The following CCDC50 variants were observed in gnomAD, a reference collection of about 807,000 sequenced individuals.
CCDC50 encodes the protein coiled-coil domain-containing protein 50.
Under a neutral mutation model 70.2 loss-of-function variants are expected in CCDC50, and 54 were observed. The observed-to-expected ratio is 0.77, with a 90% CI of 0.62 to 0.96. The LOEUF (loss-of-function observed/expected upper bound fraction) is 0.96. Among genes scored for constraint, CCDC50 ranks in the 50% least tolerant of loss-of-function variants. The pLI is 0.00. For missense variants in CCDC50, 558 were observed against 578.7 expected (o/e 0.96, Z 0.37); for synonymous variants, 216 against 198.8 (o/e 1.09, Z -0.73).
intron 1 of CCDC50, among the ~76,000 whole-genome samples, chr3:191,347,205 GT>G (rs1208210701): frequency 7.0e-6 from 1 of 142,114 alleles, no homozygotes; most frequent in Non-Finnish European, 1.6e-5. Context: ...ATTTCTGAAG[GT>G]TTTTCTCCTT....
chr3:191,383,616 G>A (rs1713396336), intron 10 of CCDC50, among the ~76,000 whole-genome samples: 1 of 152,134 alleles, frequency 6.6e-6, no homozygotes, highest in South Asian at 2.1e-4. Context: ...AATTGACACT[G>A]TTGTTGCTAC....
chr3:191,341,143 A>G (rs1711715962), intron 1 of CCDC50, among the ~76,000 whole-genome samples: 2 of 152,168 alleles, frequency 1.3e-5, no homozygotes, highest in African/African-American at 4.8e-5. Flanking sequence ...TGCAGCACAG[A>G]TTCTGTACTA....
intron 4 of CCDC50, among the ~76,000 whole-genome samples, chr3:191,368,596 G>C (rs1224394676): frequency 6.7e-6 from 1 of 149,664 alleles, no homozygotes; most frequent in East Asian, 2.0e-4. Flanking sequence ...ATTTTCTTTT[G>C]AAATTTATAT....
rs542086705 is a variant in CCDC50, at chr3:191,343,110, A to G, written c.49+13387A>G. Among the ~76,000 whole-genome samples, 485 of 152,294 alleles carry G rather than the reference A, an allele frequency of 3.2e-3. 3 individuals carry two copies. The highest frequency in any genetic ancestry group is 5.4e-3 in the Non-Finnish European group (364 of 68,014). On this transcript the variant is annotated intron_variant, in intron 1 of 11. Coordinates refer to ENST00000392455, the MANE Select transcript of CCDC50 (RefSeq NM_178335.3). ...CTGTGTATACTGAGGGACTTTTCAT[A>G]TACCTGAGTTCCGCAGGGCCAACTG...
At position 191,393,592 on chromosome 3, in the gene CCDC50, A is replaced by G. The variant is rs892639786; in HGVS notation, c.*1832A>G. On this transcript the variant is annotated 3_prime_UTR_variant, in exon 12 of 12. Coordinates refer to ENST00000392455, the MANE Select transcript of CCDC50 (RefSeq NM_178335.3). ...TTTTGGGCAAATGTTAATCAGAAAGATAATCTACATCCCTACTTTATGTAG... is the reference window on the plus strand; with the variant it reads ...TTTTGGGCAAATGTTAATCAGAAAGGTAATCTACATCCCTACTTTATGTAG... The G allele has an allele frequency of 6.6e-6, 1 of 152,236 alleles. No individual in the cohort carries two copies. The highest frequency in any genetic ancestry group is 1.5e-5 in the Non-Finnish European group (1 of 68,024). 9.4% of individuals were successfully genotyped at this position (152,236 alleles called of 1,614,324 possible).
At chr3:191,352,824 AGTTT>A (rs746606952) in intron 1 of CCDC50, among the ~76,000 whole-genome samples, 6 of 142,152 alleles carry the variant, frequency 4.2e-5, no homozygotes, top group African/African-American at 1.3e-4. Flanking sequence ...AGTTTTATGT[AGTTT>A]GTTTATTACT....
rs372340168 is a variant in CCDC50, at chr3:191,361,134, G to A, written c.305G>A (p.Arg102Gln). 5 of 1,613,336 alleles carry A rather than the reference G, an allele frequency of 3.1e-6. No homozygotes were observed. In the African/African-American group the frequency reaches 4.0e-5, roughly 13 times the overall value. ...QEKLAIEAER[R>Q]RIQEKKDEDI... ...AAGCTGGCTATTGAGGCAGAGAGAC[G>A]ACGCATTCAGGAGAAGAAGGATGAG... Residue 102 changes from arginine (R) to glutamine (Q), a missense_variant, in exon 4 of 12, where the codon CGA (arginine) becomes CAA (glutamine). By Grantham distance (43) the Arg-to-Gln change is conservative (BLOSUM62 1). Transcript: ENST00000392455.
At position 191,331,624 on chromosome 3, in the gene CCDC50, T is replaced by A. The variant is rs537741050; in HGVS notation, c.49+1901T>A. Among the ~76,000 whole-genome samples, 204 of 152,332 alleles carry A rather than the reference T, an allele frequency of 1.3e-3. 1 individual carries two copies. The highest frequency in any genetic ancestry group is 4.7e-3 in the African/African-American group (196 of 41,582). On this transcript the variant is annotated intron_variant, in intron 1 of 11. Coordinates refer to ENST00000392455, the MANE Select transcript of CCDC50 (RefSeq NM_178335.3). ...GGAATCGATGAGATCACTGTCTTTG[T>A]AAACATCTGACTTTTCTAGTTCCAA...
rs536917876 is a variant in CCDC50, at chr3:191,380,924, G to A, written c.1234G>A (p.Glu412Lys). 8 of 1,611,508 alleles carry A rather than the reference G, an allele frequency of 5.0e-6. No homozygotes were observed. The highest frequency in any genetic ancestry group is 3.3e-5 in the Admixed American group (2 of 59,790). ...SSLDKRKQDP[E>K]WKPKTAKAAN... ...TTTGGACAAAAGAAAGCAAGACCCC[G>A]AGTGGAAGGTAGAGTGTGTTTTGTT... Residue 412 changes from glutamate (E) to lysine (K), a missense_variant, in exon 9 of 12, where the codon GAG becomes AAG. By Grantham distance (56) the Glu-to-Lys change is moderately conservative (BLOSUM62 1). Transcript: ENST00000392455.
chr3:191,364,696 T>A (rs1177763612), intron 4 of CCDC50, among the ~76,000 whole-genome samples: 1 of 152,128 alleles, frequency 6.6e-6, no homozygotes, highest in African/African-American at 2.4e-5. Context: ...TGGTATAATT[T>A]TATTATGTTT....
In CCDC50 at chr3:191,349,353, T is replaced by G. The variant is rs114905287; in HGVS notation, c.50-7735T>G. On this transcript the variant is annotated intron_variant, in intron 1 of 11. Coordinates refer to ENST00000392455, the MANE Select transcript of CCDC50 (RefSeq NM_178335.3). ...AAAGTTTTACAAAATACGTTTATTA[T>G]TTCAAAGTGTCATTAATATATCTTA... 3.5e-4 allele frequency among the ~76,000 whole-genome samples: 50 copies of G among 142,416 alleles called. 5 individuals are homozygous for G. Among genetic ancestry groups the G allele is most frequent in the African/African-American group, 1.1e-3 (45 of 39,964 alleles). The allele number at this position is 142,416 out of a possible 152,430, so 93.4% of individuals were successfully genotyped here.
rs777335030 is a variant in CCDC50 at position 191,350,536 on chromosome 3, C to T, written c.50-6552C>T. Among the ~76,000 whole-genome samples the T allele has an allele frequency of 1.3e-4, 19 of 141,852 alleles. 4 individuals are homozygous for T. The highest frequency in any genetic ancestry group is 2.7e-4 in the Non-Finnish European group (17 of 62,950). The allele number at this position is 141,852 out of a possible 152,430, so 93.1% of individuals were successfully genotyped here. A position where few individuals can be genotyped will look rare whatever the true frequency, so the allele number is the denominator to read the frequency against. On this transcript the variant is annotated intron_variant, in intron 1 of 11. Coordinates refer to ENST00000392455, the MANE Select transcript of CCDC50 (RefSeq NM_178335.3). ...CATGGCAATTGTAATTTCCGAAAGT[C>T]TTAGGATGTAGGTAAAAGAACAACG...
chr3:191,341,856 G>A (rs1711743341), intron 1 of CCDC50, among the ~76,000 whole-genome samples: 2 of 152,168 alleles, frequency 1.3e-5, no homozygotes, highest in South Asian at 4.1e-4. Flanking sequence ...ACACTGGCTG[G>A]CTTCCTCAAG....
At chr3:191,378,739 G>T (rs426252) in intron 6 of CCDC50, among the ~76,000 whole-genome samples, 79,390 of 143,246 alleles carry the variant, frequency 0.55, 22,031 homozygotes, top group East Asian at 0.75. Flanking sequence ...CTGTTTTTTT[G>T]TTTGTTTGTT....
chr3:191,360,022 T>A (rs1712427205), intron 3 of CCDC50, among the ~76,000 whole-genome samples: 1 of 152,216 alleles, frequency 6.6e-6, no homozygotes. Flanking sequence ...TGTTCCTGGA[T>A]GAAATAAGTA....
intron 5 of CCDC50, chr3:191,370,299 G>A (rs1305601439): frequency 5.4e-6 from 2 of 367,568 alleles, no homozygotes; most frequent in South Asian, 2.1e-5. Flanking sequence ...GTGCCATGTT[G>A]GTGTGCTGCA....
At chr3:191,365,825 T>C (rs1402723459) in intron 4 of CCDC50, among the ~76,000 whole-genome samples, 1 of 152,182 alleles carries the variant, frequency 6.6e-6, no homozygotes, top group East Asian at 1.9e-4. Flanking sequence ...TTATATGATA[T>C]AACCCTCCAT....
chr3:191,375,626 A>G, intron 6 of CCDC50, 37 bp downstream of exon 6: 2 of 1,599,692 alleles, frequency 1.3e-6, no homozygotes, highest in Non-Finnish European at 1.7e-6. Flanking sequence ...TCCTGGTATC[A>G]TGTATATAAC....
intron 3 of CCDC50, among the ~76,000 whole-genome samples, chr3:191,360,079 C>G (rs930031453): frequency 2.0e-5 from 3 of 152,188 alleles, no homozygotes; most frequent in Non-Finnish European, 4.4e-5. Flanking sequence ...ATTTTAATAG[C>G]TGTACATCTT....
Sources: allele counts gnomAD v4.1 joint callset (sites outside exome capture counted in the v4.1 genomes callset), GRCh38; gene constraint gnomAD v4.1.1; transcripts MANE v1.5; gene names NCBI Gene and HGNC (gene_info 2026-07-23, HGNC 2026-07-21).